USP53: variants seen among roughly 807,000 people sequenced by gnomAD.
USP53 encodes ubiquitin specific peptidase 53, also known as ubiquitin carboxyl-terminal hydrolase 53.
A neutral mutation model predicts 94.9 loss-of-function variants in USP53; 71 were observed. The ratio of observed to expected loss-of-function variants is 0.75; its 90% CI spans 0.62 to 0.91. The LOEUF is 0.91. Ranked by LOEUF, USP53 falls within the 40% of genes least tolerant of loss-of-function variation. USP53 has a pLI of 0.00. For synonymous variants in USP53, 375 were observed against 422.7 expected (o/e 0.89, Z 1.39); for missense variants, 1,173 against 1,281.0 (o/e 0.92, Z 1.29).
intron 3 of USP53, among the ~76,000 whole-genome samples, chr4:119,225,846 A>G (rs1288665377): frequency 6.6e-6 from 1 of 152,192 alleles, no homozygotes; most frequent in Non-Finnish European, 1.5e-5. Context: ...ACAGATGTAA[A>G]AGTTATTTAA....
At position 119,267,428 on chromosome 4, in the gene USP53, G is replaced by A. The variant is rs955544031; in HGVS notation, c.1081G>A (p.Ala361Thr). 2.5e-6 allele frequency: 4 copies of A among 1,613,940 alleles called. No homozygotes were observed. Among genetic ancestry groups the A allele is most frequent in the African/African-American group, 2.7e-5 (2 of 74,918 alleles). Residue 361 changes from alanine (A) to threonine (T), a missense_variant, in exon 13 of 19, where the codon GCA becomes ACA. Transcript: ENST00000692078. ...TGGCACAGCAGTTTCTACTGAGGAT[G>A]CACTCAGGCAGGTCATCAGCTGGTC... ...PDGTAVSTEDALRQVISWSHY... is the reference protein window; with the variant it reads ...PDGTAVSTEDTLRQVISWSHY...
intron 5 of USP53, among the ~76,000 whole-genome samples, chr4:119,243,820 A>C (rs1202329008): frequency 6.6e-6 from 1 of 152,104 alleles, no homozygotes; most frequent in Admixed American, 6.5e-5. Context: ...GTATAACATT[A>C]GTGTGATTTT....
intron 14 of USP53, among the ~76,000 whole-genome samples, chr4:119,269,489 G>A (rs1751581620): frequency 6.6e-6 from 1 of 152,098 alleles, no homozygotes; most frequent in Non-Finnish European, 1.5e-5. Flanking sequence ...TATACAAGGA[G>A]TTTTAAAATA....
chr4:119,268,833 T>G (rs1429150640), intron 14 of USP53, among the ~76,000 whole-genome samples: 3 of 152,202 alleles, frequency 2.0e-5, no homozygotes, highest in Non-Finnish European at 4.4e-5. Flanking sequence ...CTTAACCTCG[T>G]TTTTATTCAA....
At position 119,291,215 on chromosome 4, in the gene USP53, T is replaced by C; in HGVS notation, c.2302T>C (p.Phe768Leu). The change falls in exon 18 of 19, where the codon TTC becomes CTC. Residue 768 changes from phenylalanine (F) to leucine (L), a missense_variant. Phe to Leu is a conservative substitution (Grantham distance 22). Transcript: ENST00000692078. The part of the protein sequence containing the change: ...NLEAGYKSHE[F>L]HPESHLQIKN... ...GGAAGCAGGCTATAAATCTCATGAA[T>C]TCCACCCAGAATCACATTTACAAAT... The C allele has an allele frequency of 7.3e-7, 1 of 1,369,248 alleles. No homozygotes were observed. The highest frequency in any genetic ancestry group is 9.7e-7 in the Non-Finnish European group (1 of 1,032,982). The allele number at this position is 1,369,248 out of a possible 1,614,324, so 84.8% of individuals were successfully genotyped here.
At chr4:119,279,147 A>T (rs1300349354) in intron 17 of USP53, among the ~76,000 whole-genome samples, 1 of 148,278 alleles carries the variant, frequency 6.7e-6, no homozygotes, top group Non-Finnish European at 1.5e-5. Flanking sequence ...CTGGTGAGGA[A>T]CTGCGTTCCT....
In USP53 at chr4:119,239,695, A is replaced by G. The variant is rs1747257317; in HGVS notation, c.-65A>G. On this transcript the variant is annotated 5_prime_UTR_variant, in exon 5 of 19. Transcript: ENST00000692078. ...TTGGACAATTCAAGACATCCATTTT[A>G]TTGTCCAAAATATTACATAAAAGTG... 6.6e-6 allele frequency: 10 copies of G among 1,513,994 alleles called. No homozygotes were observed. In the South Asian group the frequency reaches 1.3e-4, roughly 20 times the overall value. The allele number at this position is 1,513,994 out of a possible 1,614,324, so 93.8% of individuals were successfully genotyped here.
intron 3 of USP53, among the ~76,000 whole-genome samples, chr4:119,221,862 G>A (rs981305725): frequency 1.3e-5 from 2 of 152,186 alleles, no homozygotes; most frequent in Non-Finnish European, 2.9e-5. Flanking sequence ...CAGAGCAAAG[G>A]AGAGAGGGGG....
intron 11 of USP53, 33 bp from the exon 12 acceptor site, chr4:119,261,682 T>C: frequency 6.7e-7 from 1 of 1,499,694 alleles, no homozygotes; most frequent in Non-Finnish European, 9.1e-7. Context: ...AAAGATGTAG[T>C]GTTAAGTGTA....
At chr4:119,274,181 C>T (rs1157281159) in intron 17 of USP53, among the ~76,000 whole-genome samples, 1 of 151,520 alleles carries the variant, frequency 6.6e-6, no homozygotes, top group Non-Finnish European at 1.5e-5. Context: ...ATGTGCCATG[C>T]TGGTGCGCTG....
chr4:119,280,133 C>T (rs1753331198), intron 17 of USP53, among the ~76,000 whole-genome samples: 1 of 152,084 alleles, frequency 6.6e-6, no homozygotes, highest in South Asian at 2.1e-4. Flanking sequence ...CCCCCGTTTG[C>T]AGCCTTTTTT....
intron 3 of USP53, among the ~76,000 whole-genome samples, chr4:119,225,950 G>A (rs995818750): frequency 6.6e-5 from 10 of 152,250 alleles, no homozygotes; most frequent in African/African-American, 2.2e-4. Flanking sequence ...TTTAACACTT[G>A]AAAATCATTG....
intron 17 of USP53, among the ~76,000 whole-genome samples, chr4:119,280,656 ACT>A (rs974698857): frequency 3.9e-5 from 6 of 152,100 alleles, no homozygotes; most frequent in African/African-American, 1.4e-4. Flanking sequence ...AAAAGGGGAA[ACT>A]CTATCAGGAT....
intron 9 of USP53, among the ~76,000 whole-genome samples, chr4:119,257,441 C>G (rs1444956803): frequency 1.3e-5 from 2 of 151,932 alleles, no homozygotes; most frequent in Admixed American, 1.3e-4. Context: ...TTACGTCTCA[C>G]AAAACAGCAA....
chr4:119,245,406 G>A lies in USP53; in HGVS notation c.214G>A (p.Ala72Thr). 1 of 1,613,816 alleles carries A rather than the reference G, an allele frequency of 6.2e-7. No homozygotes were observed. The highest frequency in any genetic ancestry group is 8.5e-7 in the Non-Finnish European group (1 of 1,179,870). Reference protein sequence around the residue: ...VLTGHVCQGDACIFCALKTIF... With the variant: ...VLTGHVCQGDTCIFCALKTIF... Reference sequence around the variant, plus strand: ...GACTGGACATGTTTGTCAGGGAGATGCCTGTATATTTTGTGCATTGAAGGT... The same window carrying A: ...GACTGGACATGTTTGTCAGGGAGATACCTGTATATTTTGTGCATTGAAGGT... The change falls in exon 6 of 19, where the codon GCC becomes ACC. Residue 72 changes from alanine to threonine, a missense_variant. Ala to Thr is a moderately conservative substitution (Grantham distance 58). Transcript: ENST00000692078.
In USP53 at chr4:119,256,524, G is replaced by T; in HGVS notation, c.569+1G>T. 1 of 1,613,806 alleles carries T rather than the reference G, an allele frequency of 6.2e-7. No individual in the cohort carries two copies. On this transcript the variant is annotated splice_donor_variant, in intron 9 of 18. Coordinates refer to ENST00000692078, the MANE Select transcript of USP53 (RefSeq NM_001371395.1). LOFTEE classifies it high-confidence loss of function. ...GGTACATTTCTACAACAGCCTTATG[G>T]TAAGAACCTATTAAAGCTTAATTAT... is the stretch of plus-strand genomic sequence containing the variant.
At chr4:119,259,790 C>A (rs1227026721) in intron 9 of USP53, 30 bp from the exon 10 acceptor site, 1 of 1,565,878 alleles carries the variant, frequency 6.4e-7, no homozygotes, top group Non-Finnish European at 8.7e-7. Flanking sequence ...AGTTCATAGG[C>A]CAGATTTGGG....
In USP53 at chr4:119,293,070, C is replaced by G. The variant is rs755572872; in HGVS notation, c.3081C>G (p.Thr1027=). The change falls in exon 19 of 19, where the codon ACC becomes ACG. Residue 1027 remains threonine, a synonymous_variant. Transcript: ENST00000692078. ...AACCAGAACTAGACTCTATTTCTAC[C>G]TGTCCAAATGAGACAGTTTCATTAA... ...FCQPELDSIS[T]CPNETVSLTT... 1 of 1,614,102 alleles carries G rather than the reference C, an allele frequency of 6.2e-7. No homozygotes were observed.
At chr4:119,227,256 T>TACACAC (rs3138727) in intron 3 of USP53, among the ~76,000 whole-genome samples, 5,530 of 124,998 alleles carry the variant, frequency 0.044, 252 homozygotes, top group African/African-American at 0.097. Context: ...TGTCTAACAC[T>TACACAC]ACACACACAC....
Sources: gnomAD v4.1 joint callset for allele counts (sites outside exome capture counted in the v4.1 genomes callset) on GRCh38, gnomAD v4.1.1 for gene constraint, MANE v1.5 for transcripts, NCBI Gene and HGNC (gene_info 2026-07-23, HGNC 2026-07-21) for gene names.